The following RAI14 variants were observed in gnomAD, a reference collection of about 807,000 sequenced individuals.
RAI14 encodes retinoic acid induced 14, also known as ankycorbin.
Under a neutral mutation model 115.4 loss-of-function variants are expected in RAI14, and 45 were observed. The ratio of observed to expected loss-of-function variants is 0.39; its 90% CI spans 0.31 to 0.50. The LOEUF (loss-of-function observed/expected upper bound fraction) is 0.50, where lower values mean the gene tolerates loss of function less well. Ranked by LOEUF, RAI14 falls within the 20% of genes least tolerant of loss-of-function variation. The pLI is 0.85. For synonymous variants in RAI14, 371 were observed against 415.4 expected (o/e 0.89, Z 1.30); for missense variants, 939 against 1,131.2 (o/e 0.83, Z 2.44).
chr5:34,760,202 C>T (rs1343502391), intron 3 of RAI14, among the ~76,000 whole-genome samples: 2 of 152,146 alleles, frequency 1.3e-5, no homozygotes, highest in Non-Finnish European at 2.9e-5. Context: ...GCATGCACCA[C>T]CACACCCAGC....
intron 1 of RAI14, chr5:34,657,087 T>C (rs1742329350): frequency 6.6e-6 from 1 of 152,220 alleles, no homozygotes; most frequent in Admixed American, 6.5e-5. Context: ...CCTCTGGGCC[T>C]GCCCCTGCCC....
intron 3 of RAI14, among the ~76,000 whole-genome samples, chr5:34,777,654 C>G (rs1751036286): frequency 6.6e-6 from 1 of 151,976 alleles, no homozygotes; most frequent in East Asian, 1.9e-4. Flanking sequence ...TGGTTCATAC[C>G]TGTAATCCCA....
chr5:34,657,609 G>T (rs1267751767), intron 1 of RAI14, among the ~76,000 whole-genome samples: 1 of 152,224 alleles, frequency 6.6e-6, no homozygotes, highest in Non-Finnish European at 1.5e-5. Flanking sequence ...CGCAGCTCAC[G>T]CATGATCGGG....
intron 2 of RAI14, among the ~76,000 whole-genome samples, chr5:34,693,565 T>C (rs551139786): frequency 6.6e-6 from 1 of 152,352 alleles, no homozygotes; most frequent in African/African-American, 2.4e-5. Flanking sequence ...TACAAAACTC[T>C]ATCCAGTAAA....
At chr5:34,816,386 T>C (rs1007692610) in intron 12 of RAI14, among the ~76,000 whole-genome samples, 5 of 152,310 alleles carry the variant, frequency 3.3e-5, no homozygotes, top group East Asian at 1.9e-4. Flanking sequence ...TATTCTCTGT[T>C]GTCTTACTGA....
intron 3 of RAI14, among the ~76,000 whole-genome samples, chr5:34,784,783 T>C (rs989944267): frequency 3.3e-5 from 5 of 152,240 alleles, no homozygotes; most frequent in Non-Finnish European, 5.9e-5. Context: ...CTGGCTCAGC[T>C]TCTTTTATTA....
chr5:34,683,256 C>A (rs1221270888), intron 1 of RAI14, among the ~76,000 whole-genome samples: 1 of 152,172 alleles, frequency 6.6e-6, no homozygotes, highest in Non-Finnish European at 1.5e-5. Flanking sequence ...TGACACTTAT[C>A]TTTATCATTG....
chr5:34,742,880 T>C (rs2150051140), intron 2 of RAI14, among the ~76,000 whole-genome samples: 1 of 152,242 alleles, frequency 6.6e-6, no homozygotes, highest in Non-Finnish European at 1.5e-5. Flanking sequence ...GTCCAGGCGG[T>C]CTTGAACTCC....
chr5:34,732,575 A>T (rs2150026024), intron 2 of RAI14, among the ~76,000 whole-genome samples: 1 of 151,324 alleles, frequency 6.6e-6, no homozygotes, highest in East Asian at 2.0e-4. Flanking sequence ...AGTAGCTGAG[A>T]CTACAGGTGT....
At chr5:34,679,654 T>C (rs546316780) in intron 1 of RAI14, among the ~76,000 whole-genome samples, 1 of 152,200 alleles carries the variant, frequency 6.6e-6, no homozygotes, top group Non-Finnish European at 1.5e-5. Flanking sequence ...GTCAGCATCT[T>C]CAGGTAGGCT....
chr5:34,747,183 C>T (rs1203634325), intron 2 of RAI14, among the ~76,000 whole-genome samples: 2 of 152,214 alleles, frequency 1.3e-5, no homozygotes, highest in Non-Finnish European at 2.9e-5. Flanking sequence ...TGGAGAGAAC[C>T]AACTATATTG....
At chr5:34,779,587 A>G (rs959801521) in intron 3 of RAI14, among the ~76,000 whole-genome samples, 1 of 152,210 alleles carries the variant, frequency 6.6e-6, no homozygotes, top group African/African-American at 2.4e-5. Context: ...TAACAGACAG[A>G]GAGCCAAACC....
At chr5:34,735,234 G>T (rs1744720806) in intron 2 of RAI14, among the ~76,000 whole-genome samples, 1 of 152,164 alleles carries the variant, frequency 6.6e-6, no homozygotes, top group Non-Finnish European at 1.5e-5. Context: ...TGAGTGATAG[G>T]ACTGATAGTG....
intron 5 of RAI14, among the ~76,000 whole-genome samples, chr5:34,806,462 G>A (rs1404326368): frequency 6.6e-6 from 1 of 152,184 alleles, no homozygotes; most frequent in African/African-American, 2.4e-5. Context: ...GACGTGCCAG[G>A]AGGCTACCTT....
intron 2 of RAI14, among the ~76,000 whole-genome samples, chr5:34,742,529 A>C (rs1745638216): frequency 6.6e-6 from 1 of 152,018 alleles, no homozygotes; most frequent in African/African-American, 2.4e-5. Flanking sequence ...CTTTTTTTTT[A>C]ATCATAAAAA....
chr5:34,682,010 C>T (rs1579891877), intron 1 of RAI14, among the ~76,000 whole-genome samples: 1 of 152,072 alleles, frequency 6.6e-6, no homozygotes, highest in South Asian at 2.1e-4. Flanking sequence ...CATGCGCCAC[C>T]ACGCCCGGCT....
In RAI14 at chr5:34,665,142, C is replaced by T. The variant is rs1174147785; in HGVS notation, c.-49+8667C>T. On this transcript the variant is annotated intron_variant, in intron 1 of 17. Coordinates refer to ENST00000265109, the MANE Select transcript of RAI14 (RefSeq NM_015577.3). Reference sequence around the variant, plus strand: ...GTATATATGTATGTGTATATATATACACATATATATGTGTGTGTATATATA... The same window carrying T: ...GTATATATGTATGTGTATATATATATACATATATATGTGTGTGTATATATA... 1.2e-3 allele frequency among the ~76,000 whole-genome samples: 29 copies of T among 23,674 alleles called. 8 individuals carry two copies. The highest frequency in any genetic ancestry group is 2.6e-3 in the African/African-American group (24 of 9,318). 15.5% of individuals were successfully genotyped at this position (23,674 alleles called of 152,430 possible).
In RAI14 at chr5:34,807,820, T is replaced by C; in HGVS notation, c.342T>C (p.Ser114=). The change falls in exon 6 of 18, where the codon AGT becomes AGC. Residue 114 remains serine (S), a synonymous_variant. Transcript: ENST00000265109. ...TATAGTCTAAATGCCCAGCCGAAAG[T>C]GTCGACAGCTCTGGGAAAACAGCTT... is the stretch of plus-strand genomic sequence containing the variant. The part of the protein sequence containing the change: ...KLLQSKCPAE[S]VDSSGKTALH... The C allele has an allele frequency of 6.2e-7, 1 of 1,611,048 alleles. No homozygotes were observed. The highest frequency in any genetic ancestry group is 8.5e-7 in the Non-Finnish European group (1 of 1,177,156).
chr5:34,691,743 A>G (rs777937739), intron 2 of RAI14, among the ~76,000 whole-genome samples: 1 of 152,204 alleles, frequency 6.6e-6, no homozygotes, highest in Non-Finnish European at 1.5e-5. Flanking sequence ...TTTATTCCCA[A>G]TTATATATTT....
Sources: allele counts gnomAD v4.1 joint callset (sites outside exome capture counted in the v4.1 genomes callset), GRCh38; gene constraint gnomAD v4.1.1; transcripts MANE v1.5; gene names NCBI Gene and HGNC (gene_info 2026-07-23, HGNC 2026-07-21).